The following CPEB3 variants were observed in gnomAD, a reference collection of about 807,000 sequenced individuals.
The protein encoded by CPEB3 is cytoplasmic polyadenylation element binding protein 3, also known as cytoplasmic polyadenylation element-binding protein 3.
In CPEB3, 20 loss-of-function variants were observed where a neutral mutation model predicts 67.2. The observed-to-expected ratio is 0.30, with a 90% CI of 0.21 to 0.43. CPEB3 has a LOEUF of 0.43. Among genes scored for constraint, CPEB3 ranks in the 20% least tolerant of loss-of-function variants. CPEB3 has a pLI of 1.00. For synonymous variants in CPEB3, 376 were observed against 393.1 expected, an observed-to-expected ratio of 0.96 and a Z score of 0.51; for missense variants, 746 against 968.6, an observed-to-expected ratio of 0.77 and a Z score of 3.05.
chr10:92,214,658 G>A (rs1850257989), intron 2 of CPEB3, among the ~76,000 whole-genome samples: 1 of 151,228 alleles, frequency 6.6e-6, no homozygotes, highest in South Asian at 2.1e-4. Context: ...AATTTTTTTT[G>A]TATTTTTACT....
intron 7 of CPEB3, among the ~76,000 whole-genome samples, chr10:92,105,134 T>C (rs1844381355): frequency 6.6e-6 from 1 of 152,184 alleles, no homozygotes; most frequent in Admixed American, 6.5e-5. Context: ...TGCTAAAGAT[T>C]TCCGAGGTGG....
At chr10:92,118,754 G>A (rs1845170134) in intron 6 of CPEB3, 1 of 751,426 alleles carries the variant, frequency 1.3e-6, no homozygotes, top group Non-Finnish European at 2.5e-6. Context: ...GGGAACCACA[G>A]GCAAACAAGA....
chr10:92,205,878 C>T (rs1849764496), intron 2 of CPEB3, among the ~76,000 whole-genome samples: 2 of 152,090 alleles, frequency 1.3e-5, no homozygotes, highest in East Asian at 1.9e-4. Flanking sequence ...AAGTCTTTAA[C>T]CTAATCTTCC....
At chr10:92,234,448 C>A (rs1375435241) in intron 2 of CPEB3, among the ~76,000 whole-genome samples, 1 of 152,096 alleles carries the variant, frequency 6.6e-6, no homozygotes, top group African/African-American at 2.4e-5. Flanking sequence ...TCCAGGGTAT[C>A]TCATAGGGTC....
At chr10:92,119,274 C>G in intron 6 of CPEB3, 2 of 1,552,664 alleles carry the variant, frequency 1.3e-6, no homozygotes, top group Admixed American at 1.7e-5. Context: ...TTGTTTAGAT[C>G]CTTTTGCACT....
intron 6 of CPEB3, among the ~76,000 whole-genome samples, chr10:92,129,690 G>A (rs1268784490): frequency 2.0e-5 from 3 of 151,980 alleles, no homozygotes; most frequent in African/African-American, 7.2e-5. Flanking sequence ...CTCTCTGGGA[G>A]ACTAGATCAA....
chr10:92,176,351 T>C (rs1320034939), intron 4 of CPEB3, among the ~76,000 whole-genome samples: 1 of 152,218 alleles, frequency 6.6e-6, no homozygotes, highest in Admixed American at 6.5e-5. Context: ...CTGATTGCTA[T>C]CTCCATTTTA....
At chr10:92,107,323 AG>A (rs1443650039) in intron 7 of CPEB3, among the ~76,000 whole-genome samples, 2 of 152,234 alleles carry the variant, frequency 1.3e-5, no homozygotes, top group African/African-American at 4.8e-5. Flanking sequence ...GTTGTATTTC[AG>A]GATATAGAGA....
intron 1 of CPEB3, among the ~76,000 whole-genome samples, chr10:92,288,304 A>T (rs1001134250): frequency 7.2e-5 from 11 of 151,986 alleles, no homozygotes; most frequent in Admixed American, 2.0e-4. Context: ...TACAAAAAAA[A>T]TTTTTTTAAG....
intron 6 of CPEB3, among the ~76,000 whole-genome samples, chr10:92,129,838 T>C (rs1845764683): frequency 6.6e-6 from 1 of 152,082 alleles, no homozygotes; most frequent in African/African-American, 2.4e-5. Context: ...GCCCAGGAGT[T>C]TGAGAACAGC....
chr10:92,059,670 A>G (rs1446737814), intron 9 of CPEB3, among the ~76,000 whole-genome samples: 1 of 152,190 alleles, frequency 6.6e-6, no homozygotes, highest in East Asian at 1.9e-4. Flanking sequence ...TAGAAAAGTT[A>G]AACAAAACTG....
chr10:92,244,701 T>C (rs970975784), intron 1 of CPEB3, among the ~76,000 whole-genome samples: 4 of 152,120 alleles, frequency 2.6e-5, no homozygotes, highest in Admixed American at 2.6e-4. Flanking sequence ...CCTCCCAAAG[T>C]ACTGGGATTA....
chr10:92,120,098 C>CAAAAAAAAAAAAAAAAAACCAAGCA (rs1845272400), intron 6 of CPEB3, among the ~76,000 whole-genome samples: 4 of 45,282 alleles, frequency 8.8e-5, no homozygotes, highest in African/African-American at 5.2e-4. Context: ...ACTAAAAATA[C>CAAAAAAAAAAAAAAAAAACCAAGCA]AAAAAAAAAA....
chr10:92,245,615 C>G (rs560199746), intron 1 of CPEB3, among the ~76,000 whole-genome samples: 24 of 152,322 alleles, frequency 1.6e-4, no homozygotes, highest in Non-Finnish European at 2.2e-4. Flanking sequence ...AAAGAAAGCT[C>G]CACTTTTGCC....
intron 2 of CPEB3, among the ~76,000 whole-genome samples, chr10:92,224,849 T>C (rs1850883249): frequency 6.8e-6 from 1 of 147,220 alleles, no homozygotes; most frequent in South Asian, 2.1e-4. Flanking sequence ...ACCTGACTTC[T>C]TAAAAAAAAC....
At chr10:92,085,101 C>G (rs1021863808) in intron 8 of CPEB3, among the ~76,000 whole-genome samples, 2 of 152,184 alleles carry the variant, frequency 1.3e-5, no homozygotes, top group African/African-American at 4.8e-5. Flanking sequence ...GACAAAGTAG[C>G]TCCCAGGAGG....
rs192966017 is a variant in CPEB3 at position 92,132,188 on chromosome 10, G to C, written c.1453+10841C>G. On this transcript the variant is annotated intron_variant, in intron 6 of 9. Transcript: ENST00000265997. ...CTACATACTGCAGCAAGTAGTTCTA[G>C]ATAAACTGTGCATTTCTTGAGAAAC... Among the ~76,000 whole-genome samples, 16 of 152,256 alleles carry C rather than the reference G, an allele frequency of 1.1e-4. No individual in the cohort carries two copies. In the East Asian group the frequency reaches 3.1e-3, roughly 29 times the overall value.
At chr10:92,252,149 G>A (rs774562951) in intron 1 of CPEB3, among the ~76,000 whole-genome samples, 4 of 151,040 alleles carry the variant, frequency 2.6e-5, no homozygotes, top group Non-Finnish European at 5.9e-5. Context: ...AGATTTCACC[G>A]AAAGATATTC....
chr10:92,181,062 AAT>A (rs1182980518), intron 3 of CPEB3, 43 bp from the exon 4 acceptor site: 1 of 1,023,862 alleles, frequency 9.8e-7, no homozygotes, highest in African/African-American at 1.6e-5. Context: ...TGTTTAATGT[AAT>A]CATTTCAAAC....
Sources: gnomAD v4.1 joint callset for allele counts (sites outside exome capture counted in the v4.1 genomes callset) on GRCh38, gnomAD v4.1.1 for gene constraint, MANE v1.5 for transcripts, NCBI Gene and HGNC (gene_info 2026-07-23, HGNC 2026-07-21) for gene names.